The following ADGRF3 variants were observed in gnomAD, a reference collection of about 807,000 sequenced individuals.
ADGRF3 encodes the protein adhesion G protein-coupled receptor F3, also known as G protein-coupled receptor 113.
Under a neutral mutation model 93.2 loss-of-function variants are expected in ADGRF3, and 85 were observed. The observed-to-expected ratio is 0.91, with a 90% CI of 0.77 to 1.09. The LOEUF (loss-of-function observed/expected upper bound fraction) is 1.09, where lower values mean the gene tolerates loss of function less well. Among genes scored for constraint, ADGRF3 ranks in the 50% least tolerant of loss-of-function variants. The probability of loss-of-function intolerance (pLI) is 0.00; values close to 1 mark genes in which losing one functional copy is unlikely to be tolerated. For missense variants in ADGRF3, 1,125 were observed against 1,246.2 expected (o/e 0.90, Z 1.46); for synonymous variants, 534 against 532.5 (o/e 1.00, Z -0.04).
At chr2:26,342,891 C>T (rs1676469549) in intron 1 of ADGRF3, among the ~76,000 whole-genome samples, 1 of 152,174 alleles carries the variant, frequency 6.6e-6, no homozygotes, top group Non-Finnish European at 1.5e-5. Context: ...TCTCTTCCCA[C>T]GTGACCATGC....
chr2:26,317,624 T>C, intron 1 of ADGRF3, 62 bp from the exon 2 acceptor site: 1 of 1,427,232 alleles, frequency 7.0e-7, no homozygotes, highest in South Asian at 1.2e-5. Flanking sequence ...GGGGCCAGCC[T>C]GACTAGTCTC....
chr2:26,311,754 C>T lies in ADGRF3; in HGVS notation c.1770G>A (p.Val590=). Residue 590 remains valine, a synonymous_variant, in exon 10 of 14, where the codon GTG becomes GTA. Transcript: ENST00000651242. ...GCAGAAGGTGGTCCAGTTTTCGCAG[C>T]ACCAGGCTAGTAATACTTATTTCAG... ...NGTEISITSL[V]LRKLDHLLPS... The T allele has an allele frequency of 6.2e-7, 1 of 1,613,574 alleles. No homozygotes were observed. Among genetic ancestry groups the T allele is most frequent in the Admixed American group, 1.7e-5 (1 of 59,928 alleles).
In ADGRF3 at chr2:26,311,588, G is replaced by T. The variant is rs1460274035; in HGVS notation, c.1936C>A (p.His646Asn). The T allele has an allele frequency of 6.2e-7, 1 of 1,613,884 alleles. No homozygotes were observed. Residue 646 changes from histidine to asparagine, a missense_variant, in exon 10 of 14, where the codon CAC becomes AAC. Transcript: ENST00000651242. ...MDFGNTDGSP[H>N]CVFWDHSLFQ... ...AGACTGTGATCCCAGAAGACACAGTGAGGGGAACCATCTGTGTTCCCAAAG... is the reference window on the plus strand; with the variant it reads ...AGACTGTGATCCCAGAAGACACAGTTAGGGGAACCATCTGTGTTCCCAAAG...
At chr2:26,345,753 C>T (rs920579142) in intron 1 of ADGRF3, 2 of 245,656 alleles carry the variant, frequency 8.1e-6, no homozygotes, top group Middle Eastern at 1.5e-3. Flanking sequence ...CACTCTACCC[C>T]CAAGACTAAA....
intron 1 of ADGRF3, chr2:26,318,260 AT>A (rs1558389474): frequency 3.3e-6 from 2 of 601,324 alleles, no homozygotes; most frequent in Non-Finnish European, 3.0e-6. Flanking sequence ...GTGGATATCT[AT>A]CCAAAACCAG....
chr2:26,312,691 G>A (rs916657724), intron 9 of ADGRF3, among the ~76,000 whole-genome samples: 3 of 152,116 alleles, frequency 2.0e-5, no homozygotes, highest in Admixed American at 6.5e-5. Flanking sequence ...GCGCACACAC[G>A]CCTCGGGCCT....
intron 1 of ADGRF3, among the ~76,000 whole-genome samples, chr2:26,339,054 G>A (rs1421751234): frequency 7.0e-6 from 1 of 142,028 alleles, no homozygotes; most frequent in East Asian, 2.1e-4. Context: ...GGCGGAGGTT[G>A]CAGTGAGCCA....
chr2:26,315,408 G>T, intron 5 of ADGRF3, 114 bp downstream of exon 5: 1 of 1,114,526 alleles, frequency 9.0e-7, no homozygotes, highest in Non-Finnish European at 1.3e-6. Context: ...AAAGAAGGAA[G>T]GAGAAGGGAG....
intron 1 of ADGRF3, among the ~76,000 whole-genome samples, chr2:26,324,336 G>A (rs554279665): frequency 2.2e-4 from 34 of 152,308 alleles, no homozygotes; most frequent in Non-Finnish European, 3.8e-4. Context: ...TTGAATCTTG[G>A]TGTATTTTTT....
intron 1 of ADGRF3, among the ~76,000 whole-genome samples, chr2:26,336,255 T>C (rs1338788288): frequency 6.6e-6 from 1 of 151,976 alleles, no homozygotes; most frequent in Non-Finnish European, 1.5e-5. Context: ...AGAAGCTTTG[T>C]ATATGCAACC....
intron 1 of ADGRF3, among the ~76,000 whole-genome samples, chr2:26,341,070 C>T (rs577342387): frequency 6.6e-6 from 1 of 152,238 alleles, no homozygotes; most frequent in African/African-American, 2.4e-5. Flanking sequence ...GTTAAGACCA[C>T]AAAAATGGCC....
intron 1 of ADGRF3, among the ~76,000 whole-genome samples, chr2:26,333,746 A>G (rs1301133009): frequency 1.3e-5 from 2 of 152,106 alleles, no homozygotes; most frequent in Non-Finnish European, 2.9e-5. Flanking sequence ...TTCTAACACA[A>G]AAGTTCTTAC....
chr2:26,315,572 C>T lies in ADGRF3; in HGVS notation c.668G>A (p.Ser223Asn). Residue 223 changes from serine to asparagine, a missense_variant, in exon 5 of 14, where the codon AGC (serine) becomes AAC (asparagine). Physicochemically the swap from Ser to Asn is conservative, Grantham distance 46. Transcript: ENST00000651242. ...QPGTQVSVTS[S>N]HGQAALSVSN... ...GACGCTGAGGGCAGCCTGGCCGTGG[C>T]TGGAAGTCACAGACACCTGTGTCCC... The T allele has an allele frequency of 6.4e-7, 1 of 1,551,548 alleles. No homozygotes were observed. The highest frequency in any genetic ancestry group is 1.2e-5 in the South Asian group (1 of 84,044).
chr2:26,328,170 T>A (rs1206975474), intron 1 of ADGRF3, among the ~76,000 whole-genome samples: 2 of 152,216 alleles, frequency 1.3e-5, no homozygotes, highest in African/African-American at 4.8e-5. Flanking sequence ...CTGGCTTTCA[T>A]GGTTTCTAAA....
At position 26,313,901 on chromosome 2, in the gene ADGRF3, A is replaced by T; in HGVS notation, c.931T>A (p.Ser311Thr). The part of the protein sequence containing the change: ...AWSPGEGSKA[S>T]SFNESGSQCF... ...TGAGAGCCTGACTCGTTGAAGGAGG[A>T]AGCTGAAGGCAAAACGAAGAAGGGA... is the stretch of plus-strand genomic sequence containing the variant. Residue 311 changes from serine (S) to threonine (T), a missense_variant and splice_region_variant, in exon 7 of 14, where the codon TCC (serine) becomes ACC (threonine). Physicochemically the swap from Ser to Thr is moderately conservative, Grantham distance 58. Transcript: ENST00000651242. 1.2e-6 allele frequency: 2 copies of T among 1,613,986 alleles called. No homozygotes were observed. The highest frequency in any genetic ancestry group is 1.7e-6 in the Non-Finnish European group (2 of 1,179,900).
Position 26,310,712 on chromosome 2 carries a change from T to C in ADGRF3, c.2812A>G (p.Thr938Ala), listed in dbSNP as rs1332792455. 2.5e-6 allele frequency: 4 copies of C among 1,611,700 alleles called. No homozygotes were observed. In the Admixed American group the frequency reaches 5.0e-5, roughly 20 times the overall value. Residue 938 changes from threonine to alanine, a missense_variant, in exon 10 of 14, where the codon ACC becomes GCC. Thr to Ala is a moderately conservative substitution (Grantham distance 58). Transcript: ENST00000651242. The stretch of plus-strand genomic sequence containing the variant: ...CCTACCTGGAGGGTGTTGAGAATGG[T>C]GAAGATGTAATGAGGGACCGTGGAG... The part of the protein sequence containing the change: ...EVSTVPHYIF[T>A]ILNTLQGVFI...
Position 26,346,126 on chromosome 2 carries a change from C to T in ADGRF3, c.109G>A (p.Glu37Lys), listed in dbSNP as rs369124395. Residue 37 changes from glutamate (E) to lysine (K), a missense_variant, in exon 1 of 14, where the codon GAG (glutamate) becomes AAG (lysine). Coordinates refer to ENST00000651242, the MANE Select transcript of ADGRF3 (RefSeq NM_001321971.2). ...GCGGAGCGCGGCTCTCCTACCTTCT[C>T]GGGCAGCCCAGTCTTTGCCATCCTT... ...WARMAKTGLP[E>K]KGQSQAGGES... The T allele has an allele frequency of 1.9e-5, 30 of 1,589,206 alleles. No homozygotes were observed. The highest frequency in any genetic ancestry group is 2.7e-5 in the African/African-American group (2 of 74,270).
chr2:26,337,615 T>C (rs1176381997), intron 1 of ADGRF3, among the ~76,000 whole-genome samples: 3 of 152,226 alleles, frequency 2.0e-5, no homozygotes, highest in Non-Finnish European at 4.4e-5. Context: ...ATTTTAAAAA[T>C]GTATTTTCTT....
chr2:26,325,627 C>T (rs1675395676), intron 1 of ADGRF3, among the ~76,000 whole-genome samples: 1 of 152,178 alleles, frequency 6.6e-6, no homozygotes, highest in African/African-American at 2.4e-5. Context: ...GTGGGGTCTT[C>T]ACAAAAGTTT....
Sources: allele counts gnomAD v4.1 joint callset (sites outside exome capture counted in the v4.1 genomes callset), GRCh38; gene constraint gnomAD v4.1.1; transcripts MANE v1.5; gene names NCBI Gene and HGNC (gene_info 2026-07-23, HGNC 2026-07-21).